Variants in RBFOX1 observed in about 807,000 individuals in gnomAD.
RBFOX1 encodes RNA binding protein fox-1 homolog 1.
Under a neutral mutation model 57.7 loss-of-function variants are expected in RBFOX1, and 8 were observed. The ratio of observed to expected loss-of-function variants is 0.14; its 90% CI spans 0.08 to 0.25. The LOEUF (loss-of-function observed/expected upper bound fraction) is 0.25. Ranked by LOEUF, RBFOX1 falls within the 10% of genes least tolerant of loss-of-function variation. The pLI, the probability that RBFOX1 is intolerant of heterozygous loss-of-function variation, is 1.00. For synonymous variants in RBFOX1, 326 were observed against 222.4 expected, an observed-to-expected ratio of 1.47 and a Z score of -4.15; for missense variants, 611 against 548.5, an observed-to-expected ratio of 1.11 and a Z score of -1.14.
At chr16:5,668,940 A>G (rs1050150614) in intron 3 of RBFOX1, among the ~76,000 whole-genome samples, 7 of 152,202 alleles carry the variant, frequency 4.6e-5, no homozygotes, top group Admixed American at 3.9e-4. Context: ...TAGGGGGAGC[A>G]TTGCTCCAGC....
intron 4 of RBFOX1, among the ~76,000 whole-genome samples, chr16:7,063,796 C>G (rs1442342194): frequency 6.6e-6 from 1 of 152,204 alleles, no homozygotes; most frequent in Non-Finnish European, 1.5e-5. Context: ...TAACTGCTTA[C>G]ATAGCATTCG....
chr16:6,062,783 A>G (rs866596828), intron 1 of RBFOX1, among the ~76,000 whole-genome samples: 1 of 151,970 alleles, frequency 6.6e-6, no homozygotes, highest in Admixed American at 6.6e-5. Flanking sequence ...ACTCTTAGGA[A>G]TTGTCTCATG....
chr16:6,805,191 C>G (rs777935066), intron 3 of RBFOX1, among the ~76,000 whole-genome samples: 2 of 152,146 alleles, frequency 1.3e-5, no homozygotes, highest in African/African-American at 4.8e-5. Context: ...TACATCTACA[C>G]CATGGAATAC....
intron 4 of RBFOX1, among the ~76,000 whole-genome samples, chr16:5,999,832 C>T (rs541025653): frequency 2.3e-4 from 28 of 120,584 alleles, no homozygotes; most frequent in Admixed American, 7.7e-4. Context: ...CGCACCACTG[C>T]GCTCCAGCCT....
At chr16:7,290,165 T>G (rs938000280) in intron 4 of RBFOX1, among the ~76,000 whole-genome samples, 3 of 152,182 alleles carry the variant, frequency 2.0e-5, no homozygotes, top group African/African-American at 7.2e-5. Context: ...AGGAGCAGGA[T>G]AAAAGATGCA....
At chr16:7,001,554 T>G (rs368630742) in intron 3 of RBFOX1, among the ~76,000 whole-genome samples, 2 of 152,108 alleles carry the variant, frequency 1.3e-5, no homozygotes, top group East Asian at 1.9e-4. Context: ...CCTCCCGGGT[T>G]CAAGTGATGC....
intron 2 of RBFOX1, among the ~76,000 whole-genome samples, chr16:5,584,935 G>A (rs940894746): frequency 6.6e-6 from 1 of 151,954 alleles, no homozygotes; most frequent in Non-Finnish European, 1.5e-5. Context: ...GAAAAAATAC[G>A]GTCAAAGCAC....
At chr16:7,332,658 T>C in intron 4 of RBFOX1, 1 of 565,424 alleles carries the variant, frequency 1.8e-6, no homozygotes, top group Non-Finnish European at 2.4e-6. Context: ...CTTGGTCTCT[T>C]GGTCTCTCTC....
chr16:6,319,084 C>A (rs1207518791), intron 2 of RBFOX1, among the ~76,000 whole-genome samples: 1 of 151,894 alleles, frequency 6.6e-6, no homozygotes, highest in Non-Finnish European at 1.5e-5. Context: ...TGTTCTTCAC[C>A]CATAACATGT....
intron 3 of RBFOX1, among the ~76,000 whole-genome samples, chr16:6,961,471 C>G (rs943691404): frequency 6.6e-6 from 1 of 152,146 alleles, no homozygotes; most frequent in Non-Finnish European, 1.5e-5. Flanking sequence ...GATCAAGATC[C>G]CAAAGGAGGG....
intron 3 of RBFOX1, among the ~76,000 whole-genome samples, chr16:6,763,105 A>G (rs1382648938): frequency 6.6e-6 from 1 of 152,220 alleles, no homozygotes; most frequent in African/African-American, 2.4e-5. Flanking sequence ...TAAATGTCAG[A>G]CCACTGTCTC....
chr16:7,640,298 A>G (rs2062558301), intron 11 of RBFOX1, among the ~76,000 whole-genome samples: 1 of 152,248 alleles, frequency 6.6e-6, no homozygotes, highest in African/African-American at 2.4e-5. Flanking sequence ...AAAGTTCTGC[A>G]AAGAGGCAGC....
intron 13 of RBFOX1, among the ~76,000 whole-genome samples, chr16:7,666,756 T>TGACTA (rs1375706690): frequency 2.0e-5 from 3 of 152,194 alleles, no homozygotes; most frequent in Non-Finnish European, 2.9e-5. Context: ...GCCAACCACT[T>TGACTA]GACTAGAGAG....
chr16:6,105,221 A>G (rs1443209338), intron 1 of RBFOX1, among the ~76,000 whole-genome samples: 1 of 152,236 alleles, frequency 6.6e-6, no homozygotes, highest in African/African-American at 2.4e-5. Context: ...TTTGGAGAAT[A>G]TGTACAGTGT....
At chr16:7,274,585 G>A (rs1405679572) in intron 4 of RBFOX1, among the ~76,000 whole-genome samples, 1 of 152,010 alleles carries the variant, frequency 6.6e-6, no homozygotes, top group Admixed American at 6.6e-5. Context: ...TCTGGAACTA[G>A]GTCTACTTAT....
intron 1 of RBFOX1, among the ~76,000 whole-genome samples, chr16:6,257,328 A>G (rs2097674198): frequency 6.6e-6 from 1 of 152,058 alleles, no homozygotes; most frequent in Non-Finnish European, 1.5e-5. Flanking sequence ...GGAGCAATAA[A>G]TTCACTCCCA....
In RBFOX1 at chr16:6,691,071, C is replaced by G. The variant is rs1356485132; in HGVS notation, c.-16+36421C>G. Among the ~76,000 whole-genome samples, 3 of 152,122 alleles carry G rather than the reference C, an allele frequency of 2.0e-5. No individual in the cohort carries two copies. The East Asian group carries it at 5.8e-4, about 29-fold the overall frequency. On this transcript the variant is annotated intron_variant, in intron 3 of 15. Transcript: ENST00000550418. ...ACATCATGTTCCTTCTGATTGTTAA[C>G]ATGACGATGTCACTGTGTCTTGAGA...
chr16:6,988,416 T>TAGTA (rs1171857897), intron 3 of RBFOX1, among the ~76,000 whole-genome samples: 1 of 152,166 alleles, frequency 6.6e-6, no homozygotes, highest in Non-Finnish European at 1.5e-5. Context: ...TTCAAAGACT[T>TAGTA]AGTATATGAA....
intron 4 of RBFOX1, among the ~76,000 whole-genome samples, chr16:7,072,230 C>G (rs771167089): frequency 6.6e-6 from 1 of 152,142 alleles, no homozygotes; most frequent in South Asian, 2.1e-4. Flanking sequence ...GATCACTGAA[C>G]CTTCTATTCA....
Sources: allele counts gnomAD v4.1 joint callset (sites outside exome capture counted in the v4.1 genomes callset), GRCh38; gene constraint gnomAD v4.1.1; transcripts MANE v1.5; gene names NCBI Gene and HGNC (gene_info 2026-07-23, HGNC 2026-07-21).